TANC2: variants seen among roughly 807,000 people sequenced by gnomAD.
The protein encoded by TANC2 is protein TANC2.
TANC2 carries 26 observed loss-of-function variants against 210.5 expected under a neutral mutation model. That is an observed-to-expected ratio of 0.12 (90% CI 0.09 to 0.17). TANC2 has a LOEUF of 0.17. Among genes scored for constraint, TANC2 ranks in the 10% least tolerant of loss-of-function variants. The pLI is 1.00. For synonymous variants in TANC2, 931 were observed against 967.1 expected, an observed-to-expected ratio of 0.96 and a Z score of 0.69; for missense variants, 2,129 against 2,608.9, an observed-to-expected ratio of 0.82 and a Z score of 4.01.
chr17:63,096,219 A>G (rs2037382776), intron 3 of TANC2, among the ~76,000 whole-genome samples: 1 of 152,206 alleles, frequency 6.6e-6, no homozygotes, highest in Admixed American at 6.5e-5. Context: ...GAGATACAGT[A>G]TTCATCTGAC....
chr17:63,380,012 GTAAC>G (rs1159570635), intron 15 of TANC2, among the ~76,000 whole-genome samples, 186 bp downstream of exon 15: 2 of 152,106 alleles, frequency 1.3e-5, no homozygotes, highest in Non-Finnish European at 2.9e-5. Context: ...ATCTCCCAGT[GTAAC>G]TAACTGATAG....
intron 9 of TANC2, among the ~76,000 whole-genome samples, chr17:63,277,655 A>T (rs2043923871): frequency 6.8e-6 from 1 of 146,730 alleles, no homozygotes; most frequent in African/African-American, 2.5e-5. Flanking sequence ...AAGAAAAGCT[A>T]AAAAAAAAAA....
At chr17:63,393,533 C>T (rs2048047232) in intron 17 of TANC2, 1 of 152,196 alleles carries the variant, frequency 6.6e-6, no homozygotes, top group African/African-American at 2.4e-5. Context: ...TTTGATCACT[C>T]TAGCTTAATC....
At chr17:63,179,581 ACT>A (rs2040708808) in intron 5 of TANC2, among the ~76,000 whole-genome samples, 1 of 152,158 alleles carries the variant, frequency 6.6e-6, no homozygotes, top group African/African-American at 2.4e-5. Context: ...AACTTCAAAC[ACT>A]GTTTTAAAAT....
chr17:63,227,408 G>A (rs1344233603), intron 7 of TANC2, among the ~76,000 whole-genome samples: 3 of 152,148 alleles, frequency 2.0e-5, no homozygotes, highest in Non-Finnish European at 4.4e-5. Context: ...TTTGAGAAGT[G>A]TCTGTTTATG....
chr17:62,996,082 G>T (rs192861403), intron 1 of TANC2, among the ~76,000 whole-genome samples: 2 of 152,286 alleles, frequency 1.3e-5, no homozygotes, highest in South Asian at 4.1e-4. Flanking sequence ...GTGGACAAAT[G>T]ATTTGTCTTT....
chr17:63,131,421 T>G (rs1329448794), intron 4 of TANC2, among the ~76,000 whole-genome samples: 1 of 152,178 alleles, frequency 6.6e-6, no homozygotes, highest in African/African-American at 2.4e-5. Flanking sequence ...GTTGATCATG[T>G]TGGTTTCTTT....
intron 8 of TANC2, among the ~76,000 whole-genome samples, chr17:63,249,056 A>G (rs953933877): frequency 1.3e-5 from 2 of 152,152 alleles, no homozygotes; most frequent in African/African-American, 2.4e-5. Flanking sequence ...AGTGAAGTTC[A>G]TAGTTAAAAT....
At chr17:63,161,704 TTC>T (rs1379049324) in intron 5 of TANC2, among the ~76,000 whole-genome samples, 1 of 152,148 alleles carries the variant, frequency 6.6e-6, no homozygotes, top group Non-Finnish European at 1.5e-5. Flanking sequence ...TTTGTTGGTA[TTC>T]TCATTCAGGC....
At chr17:63,220,713 A>ATATATATATATATATATATATATATATAT (rs1302451440) in intron 7 of TANC2, among the ~76,000 whole-genome samples, 3 of 140,562 alleles carry the variant, frequency 2.1e-5, no homozygotes, top group Non-Finnish European at 4.6e-5. Context: ...CAAAAAAAAA[A>ATATATATATATATATATATATATATATAT]AAAAAAATAT....
At chr17:63,066,093 C>A (rs553854794) in intron 2 of TANC2, among the ~76,000 whole-genome samples, 15 of 152,160 alleles carry the variant, frequency 9.9e-5, no homozygotes, top group African/African-American at 3.6e-4. Flanking sequence ...TTGTCAGGGT[C>A]TATTGGGATG....
At chr17:63,215,117 C>T (rs947897779) in intron 7 of TANC2, among the ~76,000 whole-genome samples, 1 of 152,066 alleles carries the variant, frequency 6.6e-6, no homozygotes, top group Non-Finnish European at 1.5e-5. Context: ...AATTGAAAGT[C>T]GTTTCATAAT....
chr17:63,308,608 A>C (rs2045007502), intron 9 of TANC2, among the ~76,000 whole-genome samples: 1 of 152,192 alleles, frequency 6.6e-6, no homozygotes, highest in African/African-American at 2.4e-5. Flanking sequence ...TAGCTACAAC[A>C]GTTAAAATTT....
chr17:63,080,419 A>G (rs952828599), intron 3 of TANC2, among the ~76,000 whole-genome samples: 2 of 152,236 alleles, frequency 1.3e-5, no homozygotes, highest in African/African-American at 4.8e-5. Flanking sequence ...AAATAGCATT[A>G]TGCAGGCATT....
chr17:63,265,403 A>G (rs544517913), intron 8 of TANC2, among the ~76,000 whole-genome samples: 69 of 152,290 alleles, frequency 4.5e-4, no homozygotes, highest in African/African-American at 1.5e-3. Context: ...CCCTGGGCCA[A>G]TGGTATGGCC....
At chr17:63,049,029 ATCT>A (rs1568343857) in intron 2 of TANC2, among the ~76,000 whole-genome samples, 1 of 152,084 alleles carries the variant, frequency 6.6e-6, no homozygotes, top group Non-Finnish European at 1.5e-5. Flanking sequence ...CCAACCCTCC[ATCT>A]TCTGTTCTCT....
intron 4 of TANC2, among the ~76,000 whole-genome samples, chr17:63,126,964 T>A (rs1294426800): frequency 2.0e-5 from 3 of 152,202 alleles, no homozygotes; most frequent in African/African-American, 7.2e-5. Flanking sequence ...AAGGTTATAA[T>A]GTAAAAGGTA....
At chr17:63,114,073 T>C (rs997666337) in intron 4 of TANC2, among the ~76,000 whole-genome samples, 1 of 152,178 alleles carries the variant, frequency 6.6e-6, no homozygotes, top group African/African-American at 2.4e-5. Flanking sequence ...GATATGTGTA[T>C]CTTATGGCTC....
intron 13 of TANC2, 151 bp from the exon 14 acceptor site, chr17:63,354,632 T>G (rs1598926549): frequency 1.1e-6 from 1 of 929,750 alleles, no homozygotes; most frequent in East Asian, 2.7e-5. Context: ...TGCAACTAAT[T>G]TGTTTTACTT....
Sources: gnomAD v4.1 joint callset for allele counts (sites outside exome capture counted in the v4.1 genomes callset) on GRCh38, gnomAD v4.1.1 for gene constraint, MANE v1.5 for transcripts, NCBI Gene and HGNC (gene_info 2026-07-23, HGNC 2026-07-21) for gene names.